The following ECM2 variants were observed in gnomAD, a reference collection of about 807,000 sequenced individuals.
ECM2 encodes the protein extracellular matrix protein 2.
A neutral mutation model predicts 67.5 loss-of-function variants in ECM2; 57 were observed. The observed-to-expected ratio is 0.84, with a 90% CI of 0.68 to 1.05. The LOEUF (loss-of-function observed/expected upper bound fraction) is 1.05. Ranked by LOEUF, ECM2 falls within the 50% of genes least tolerant of loss-of-function variation. The probability of loss-of-function intolerance (pLI) is 0.00; values close to 1 mark genes in which losing one functional copy is unlikely to be tolerated. For synonymous variants in ECM2, 258 were observed against 294.5 expected (o/e 0.88, Z 1.27); for missense variants, 741 against 822.8 (o/e 0.90, Z 1.22).
intron 5 of ECM2, among the ~76,000 whole-genome samples, chr9:92,511,060 A>T (rs1371196881): frequency 6.6e-6 from 1 of 152,188 alleles, no homozygotes; most frequent in African/African-American, 2.4e-5. Context: ...CACATTTATG[A>T]GTTTTTGTTT....
chr9:92,553,230 G>A, the ECM2 span, among the ~76,000 whole-genome samples: 1 of 151,926 alleles, frequency 6.6e-6, no homozygotes, highest in Admixed American at 6.6e-5. Flanking sequence ...TAAGTATTTG[G>A]GTTTATTTCT....
At chr9:92,512,181 C>G in intron 4 of ECM2, 55 bp from the exon 5 acceptor site, 3 of 1,160,464 alleles carry the variant, frequency 2.6e-6, no homozygotes, top group Non-Finnish European at 3.9e-6. Flanking sequence ...TACATGTACA[C>G]ACATGTATGG....
At chr9:92,527,007 T>C (rs1848456869) in intron 1 of ECM2, among the ~76,000 whole-genome samples, 1 of 151,406 alleles carries the variant, frequency 6.6e-6, no homozygotes, top group Non-Finnish European at 1.5e-5. Flanking sequence ...ATGTTTATTA[T>C]TTATTTATTT....
intron 1 of ECM2, among the ~76,000 whole-genome samples, chr9:92,535,280 C>T (rs1392388685): frequency 6.6e-6 from 1 of 152,140 alleles, no homozygotes; most frequent in African/African-American, 2.4e-5. Context: ...CTTAGGCCCT[C>T]ATTATTTTCA....
chr9:92,494,253 C>G (rs1846254180), downstream of ECM2: 1 of 1,140,290 alleles, frequency 8.8e-7, no homozygotes, highest in Non-Finnish European at 1.2e-6. Flanking sequence ...TCAGTTTGAG[C>G]CCCCTTTAAT....
At position 92,517,857 on chromosome 9, in the gene ECM2, A is replaced by G; in HGVS notation, c.311T>C (p.Leu104Ser). The G allele has an allele frequency of 2.5e-6, 4 of 1,614,162 alleles. No homozygotes were observed. The highest frequency in any genetic ancestry group is 3.4e-6 in the Non-Finnish European group (4 of 1,180,032). The part of the protein sequence containing the change: ...NVLPGKKGHC[L>S]VKGITMYNKA... ...GTTGTACATGGTTATGCCCTTTACC[A>G]AACAGTGTCCCTTCTTTCCTAGAAG... The change falls in exon 3 of 10, where the codon TTG (leucine) becomes TCG (serine). Residue 104 changes from leucine to serine, a missense_variant. Physicochemically the swap from Leu to Ser is moderately radical, Grantham distance 145. Coordinates refer to ENST00000344604, the MANE Select transcript of ECM2 (RefSeq NM_001393.4).
At chr9:92,503,353 C>G (rs774327778) in intron 7 of ECM2, among the ~76,000 whole-genome samples, 1 of 152,192 alleles carries the variant, frequency 6.6e-6, no homozygotes, top group Non-Finnish European at 1.5e-5. Context: ...GAAGCCCACC[C>G]GTGGTTACAT....
chr9:92,546,542 C>A, the ECM2 span, among the ~76,000 whole-genome samples: 2 of 152,022 alleles, frequency 1.3e-5, no homozygotes, highest in African/African-American at 4.8e-5. Flanking sequence ...ATAGTCAACG[C>A]CAAGGTCTGC....
intron 1 of ECM2, among the ~76,000 whole-genome samples, chr9:92,532,022 T>TTTATTTA (rs1248500410): frequency 7.8e-6 from 1 of 127,956 alleles, no homozygotes; most frequent in Non-Finnish European, 1.6e-5. Flanking sequence ...AATGTTTTTT[T>TTTATTTA]TTTTTTATTT....
chr9:92,543,860 G>C, the ECM2 span, among the ~76,000 whole-genome samples: 2 of 152,086 alleles, frequency 1.3e-5, no homozygotes, highest in African/African-American at 2.4e-5. Flanking sequence ...ATACAGAAAA[G>C]CTACTGATTT....
intron 9 of ECM2, among the ~76,000 whole-genome samples, chr9:92,497,738 A>G (rs897494055): frequency 6.6e-6 from 1 of 151,496 alleles, no homozygotes; most frequent in Non-Finnish European, 1.5e-5. Flanking sequence ...TTTGATCCCC[A>G]GTGTTGGAGG....
In ECM2 at chr9:92,515,110, T is replaced by C. The variant is rs139720616; in HGVS notation, c.575A>G (p.His192Arg). 8 of 1,614,000 alleles carry C rather than the reference T, an allele frequency of 5.0e-6. No homozygotes were observed. The highest frequency in any genetic ancestry group is 4.5e-5 in the East Asian group (2 of 44,886). Residue 192 changes from histidine to arginine, a missense_variant, in exon 4 of 10, where the codon CAT (histidine) becomes CGT (arginine). Physicochemically the swap from His to Arg is conservative, Grantham distance 29. Coordinates refer to ENST00000344604, the MANE Select transcript of ECM2 (RefSeq NM_001393.4). ...SEQREPTNLL[H>R]KQLPPPQVGM... ...CACCTGAGGAGGTGGCAGTTGCTTA[T>C]GAAGTAAATTGGTAGGTTCTCTTTG...
At chr9:92,547,369 C>T in the ECM2 span, among the ~76,000 whole-genome samples, 1 of 152,350 alleles carries the variant, frequency 6.6e-6, no homozygotes, top group South Asian at 2.1e-4. Flanking sequence ...CATTGCTACA[C>T]TATTCATAAC....
chr9:92,523,939 C>T (rs1848230589), intron 1 of ECM2, among the ~76,000 whole-genome samples: 1 of 152,218 alleles, frequency 6.6e-6, no homozygotes, highest in Non-Finnish European at 1.5e-5. Context: ...GCAGGCACTC[C>T]ATAAGCCTTT....
chr9:92,505,871 A>G (rs1338796888), intron 6 of ECM2, among the ~76,000 whole-genome samples, 181 bp from the exon 7 acceptor site: 2 of 152,192 alleles, frequency 1.3e-5, no homozygotes, highest in Admixed American at 6.5e-5. Flanking sequence ...CAGATGCTCA[A>G]TTCAACCAGA....
the ECM2 span, among the ~76,000 whole-genome samples, chr9:92,556,252 T>G: frequency 2.6e-5 from 4 of 152,054 alleles, no homozygotes; most frequent in Admixed American, 1.3e-4. Flanking sequence ...TCTGAGAGAG[T>G]GTTGGATATA....
At chr9:92,545,755 T>G in the ECM2 span, among the ~76,000 whole-genome samples, 1 of 152,242 alleles carries the variant, frequency 6.6e-6, no homozygotes, top group Non-Finnish European at 1.5e-5. Flanking sequence ...AACCTTTATG[T>G]CTAGCTAAGG....
chr9:92,513,379 G>A (rs1172949645), intron 4 of ECM2, among the ~76,000 whole-genome samples: 1 of 152,254 alleles, frequency 6.6e-6, no homozygotes, highest in East Asian at 1.9e-4. Flanking sequence ...AGCCACTTTA[G>A]AGAACTGTGG....
chr9:92,510,146 G>A, intron 5 of ECM2, 112 bp from the exon 6 acceptor site: 1 of 1,247,086 alleles, frequency 8.0e-7, no homozygotes, highest in Non-Finnish European at 1.1e-6. Context: ...CTTAGGCTTA[G>A]ACAGTAATGT....
Sources: gnomAD v4.1 joint callset for allele counts (sites outside exome capture counted in the v4.1 genomes callset) on GRCh38, gnomAD v4.1.1 for gene constraint, MANE v1.5 for transcripts, NCBI Gene and HGNC (gene_info 2026-07-23, HGNC 2026-07-21) for gene names.